Variants in DLG2 observed in about 807,000 individuals in gnomAD.
DLG2 encodes the protein disks large homolog 2.
Under a neutral mutation model 132.5 loss-of-function variants are expected in DLG2, and 45 were observed. The ratio of observed to expected loss-of-function variants is 0.34; its 90% CI spans 0.27 to 0.44. The LOEUF (loss-of-function observed/expected upper bound fraction) is 0.44, where lower values mean the gene tolerates loss of function less well. DLG2 is among the 20% of genes least tolerant of loss of function. The pLI, the probability that DLG2 is intolerant of heterozygous loss-of-function variation, is 1.00. For missense variants in DLG2, 1,045 were observed against 1,196.9 expected, an observed-to-expected ratio of 0.87 and a Z score of 1.87; for synonymous variants, 424 against 419.6, an observed-to-expected ratio of 1.01 and a Z score of -0.13.
At chr11:83,799,724 G>C (rs983745341) in intron 17 of DLG2, among the ~76,000 whole-genome samples, 7 of 152,298 alleles carry the variant, frequency 4.6e-5, no homozygotes, top group Admixed American at 1.3e-4. Flanking sequence ...AGGATGGAGA[G>C]TGGGTTTGGG....
At chr11:85,094,973 G>A (rs2069478087) in intron 6 of DLG2, among the ~76,000 whole-genome samples, 1 of 152,104 alleles carries the variant, frequency 6.6e-6, no homozygotes, top group Non-Finnish European at 1.5e-5. Flanking sequence ...GCCATTGTAA[G>A]GTTATTACCT....
intron 7 of DLG2, among the ~76,000 whole-genome samples, chr11:84,339,570 T>C (rs185894432): frequency 1.1e-4 from 17 of 152,328 alleles, no homozygotes; most frequent in African/African-American, 3.6e-4. Flanking sequence ...ACAAGTCTTA[T>C]GTCAACATCT....
intron 19 of DLG2, among the ~76,000 whole-genome samples, chr11:83,617,485 A>G (rs2061000418): frequency 6.6e-6 from 1 of 152,230 alleles, no homozygotes; most frequent in Admixed American, 6.5e-5. Flanking sequence ...CTTGTTATTT[A>G]GTAAAATTGC....
intron 4 of DLG2, among the ~76,000 whole-genome samples, chr11:85,181,471 A>G (rs17207843): frequency 0.055 from 8,296 of 151,640 alleles, 339 homozygotes; most frequent in African/African-American, 0.1. Flanking sequence ...ATTTTCTATG[A>G]CTTACTCTCT....
chr11:84,018,588 C>T (rs2095291654), intron 11 of DLG2, among the ~76,000 whole-genome samples: 3 of 151,732 alleles, frequency 2.0e-5, no homozygotes, highest in South Asian at 2.1e-4. Flanking sequence ...TATAAAAGGG[C>T]GTGCCATCAC....
chr11:84,524,072 A>G (rs1272474523), intron 7 of DLG2, among the ~76,000 whole-genome samples: 2 of 152,180 alleles, frequency 1.3e-5, no homozygotes, highest in Non-Finnish European at 2.9e-5. Flanking sequence ...TGGGCCACAC[A>G]TAAAATACAC....
chr11:83,505,150 T>C lies in DLG2; in HGVS notation c.2194-20922A>G, dbSNP rs2094629083. On this transcript the variant is annotated intron_variant, in intron 21 of 27. Coordinates refer to ENST00000376104, the MANE Select transcript of DLG2 (RefSeq NM_001142699.3). ...CATACCCATATCCAGAGTAAGTGTCTATTCCAGTGAGGACAAACCTCTGCT... is the reference window on the plus strand; with the variant it reads ...CATACCCATATCCAGAGTAAGTGTCCATTCCAGTGAGGACAAACCTCTGCT... Among the ~76,000 whole-genome samples the C allele has an allele frequency of 2.0e-5, 3 of 152,192 alleles. No homozygotes were observed. In the South Asian group the frequency reaches 6.2e-4, roughly 32 times the overall value.
intron 11 of DLG2, among the ~76,000 whole-genome samples, chr11:84,017,732 C>G (rs2095256488): frequency 6.6e-6 from 1 of 152,098 alleles, no homozygotes; most frequent in Non-Finnish European, 1.5e-5. Flanking sequence ...TCAGTGGTCT[C>G]TATCGTCTTA....
Position 84,689,067 on chromosome 11 carries a change from C to T in DLG2, c.358-154336G>A, listed in dbSNP as rs190554611. Among the ~76,000 whole-genome samples the T allele has an allele frequency of 3.8e-3, 585 of 152,242 alleles. 1 individual carries two copies. The highest frequency in any genetic ancestry group is 6.5e-3 in the Non-Finnish European group (445 of 68,014). ...AGCACAGTTGCTGACATGTAGCAGTCGCTCAGCCAAATGGAAGCTTTTATT... is the reference window on the plus strand; with the variant it reads ...AGCACAGTTGCTGACATGTAGCAGTTGCTCAGCCAAATGGAAGCTTTTATT... On this transcript the variant is annotated intron_variant, in intron 6 of 27. Coordinates refer to ENST00000376104, the MANE Select transcript of DLG2 (RefSeq NM_001142699.3).
intron 21 of DLG2, among the ~76,000 whole-genome samples, chr11:83,526,880 C>T (rs764445586): frequency 1.3e-5 from 2 of 152,122 alleles, no homozygotes; most frequent in Non-Finnish European, 2.9e-5. Context: ...GTGTTTTCTG[C>T]CCTTCTCCTT....
intron 7 of DLG2, among the ~76,000 whole-genome samples, chr11:84,508,169 C>T (rs2099247074): frequency 6.6e-6 from 1 of 152,172 alleles, no homozygotes; most frequent in South Asian, 2.1e-4. Flanking sequence ...GCTGCCTGCT[C>T]TACCTATTTT....
intron 11 of DLG2, among the ~76,000 whole-genome samples, chr11:84,042,294 T>A (rs752591592): frequency 4.1e-4 from 62 of 151,992 alleles, no homozygotes; most frequent in Non-Finnish European, 7.4e-4. Flanking sequence ...CTTTGATATA[T>A]CTTAATTTTT....
intron 7 of DLG2, among the ~76,000 whole-genome samples, chr11:84,289,224 T>C (rs1339628864): frequency 1.3e-5 from 2 of 152,122 alleles, no homozygotes; most frequent in Non-Finnish European, 2.9e-5. Flanking sequence ...CAAAAGAATT[T>C]CTCTTTCAAA....
chr11:83,523,998 T>G (rs998816045), intron 21 of DLG2, among the ~76,000 whole-genome samples: 3 of 152,108 alleles, frequency 2.0e-5, no homozygotes, highest in Admixed American at 2.0e-4. Flanking sequence ...TCTTCCTCTG[T>G]GCAAAAGGAG....
chr11:84,730,225 T>G (rs1163320201), intron 6 of DLG2, among the ~76,000 whole-genome samples: 2 of 152,050 alleles, frequency 1.3e-5, no homozygotes, highest in Non-Finnish European at 2.9e-5. Context: ...AATTCTGAGT[T>G]AGTTACTTAA....
At chr11:84,784,077 C>T (rs979153812) in intron 6 of DLG2, among the ~76,000 whole-genome samples, 5 of 138,540 alleles carry the variant, frequency 3.6e-5, no homozygotes, top group African/African-American at 1.1e-4. Context: ...GCGGGTGGAT[C>T]GCCTGAGGTC....
intron 4 of DLG2, among the ~76,000 whole-genome samples, chr11:85,172,284 G>C (rs1180145142): frequency 6.6e-6 from 1 of 152,218 alleles, no homozygotes; most frequent in Admixed American, 6.5e-5. Context: ...CTGTTTCACA[G>C]CCTTCACTGA....
intron 3 of DLG2, among the ~76,000 whole-genome samples, chr11:85,426,209 G>A (rs1366253834): frequency 6.6e-6 from 1 of 152,206 alleles, no homozygotes; most frequent in Non-Finnish European, 1.5e-5. Flanking sequence ...CTACCTCTGG[G>A]GGCAGGGCAC....
chr11:83,618,601 G>A (rs2061185566), intron 19 of DLG2, among the ~76,000 whole-genome samples: 1 of 152,148 alleles, frequency 6.6e-6, no homozygotes, highest in Non-Finnish European at 1.5e-5. Context: ...GGTACTAAGT[G>A]GCCAAGCCAG....
Sources: gnomAD v4.1 joint callset for allele counts (sites outside exome capture counted in the v4.1 genomes callset) on GRCh38, gnomAD v4.1.1 for gene constraint, MANE v1.5 for transcripts, NCBI Gene and HGNC (gene_info 2026-07-23, HGNC 2026-07-21) for gene names.